Variants in ATAD1 observed in about 807,000 individuals in gnomAD.
ATAD1 encodes the protein ATPase family AAA domain containing 1.
Under a neutral mutation model 42.7 loss-of-function variants are expected in ATAD1, and 18 were observed. The observed-to-expected ratio is 0.42, with a 90% CI of 0.29 to 0.63. ATAD1 has a LOEUF of 0.63. ATAD1 is among the 20% of genes least tolerant of loss of function. The pLI is 0.19. For missense variants in ATAD1, 294 were observed against 440.4 expected, an observed-to-expected ratio of 0.67 and a Z score of 2.98; for synonymous variants, 132 against 143.1, an observed-to-expected ratio of 0.92 and a Z score of 0.55.
chr10:87,794,066 A>G (rs1856260717), intron 2 of ATAD1, among the ~76,000 whole-genome samples: 1 of 152,152 alleles, frequency 6.6e-6, no homozygotes, highest in South Asian at 2.1e-4. Context: ...ACAAAAAATC[A>G]AAACTTAGCT....
At chr10:87,807,694 T>C (rs1218034318) in intron 2 of ATAD1, among the ~76,000 whole-genome samples, 2 of 152,154 alleles carry the variant, frequency 1.3e-5, no homozygotes, top group African/African-American at 2.4e-5. Flanking sequence ...TTTTAAGTTA[T>C]AAAAATAATA....
At chr10:87,815,556 A>G (rs1857378482) in intron 1 of ATAD1, among the ~76,000 whole-genome samples, 1 of 152,112 alleles carries the variant, frequency 6.6e-6, no homozygotes, top group South Asian at 2.1e-4. Context: ...CATGAAAAAA[A>G]ACAGAATTTG....
chr10:87,789,042 G>A (rs1456052083), intron 4 of ATAD1, among the ~76,000 whole-genome samples: 1 of 152,040 alleles, frequency 6.6e-6, no homozygotes, highest in Non-Finnish European at 1.5e-5. Flanking sequence ...CCACTTACCA[G>A]AAACAAAAAT....
At chr10:87,815,134 C>G (rs552526913) in intron 1 of ATAD1, among the ~76,000 whole-genome samples, 2 of 152,146 alleles carry the variant, frequency 1.3e-5, no homozygotes, top group African/African-American at 2.4e-5. Flanking sequence ...TTTAAACATG[C>G]CATTTCCTCA....
In ATAD1 at chr10:87,818,168, C is replaced by A. The variant is rs184912330; in HGVS notation, c.-15G>T. ...GCCCCACGGGAACCAGCTACTCACC[C>A]AGGGGCAGAAACAGCAAGAGCAAGT... is the stretch of plus-strand genomic sequence containing the variant. On this transcript the variant is annotated splice_region_variant and 5_prime_UTR_variant, in exon 1 of 10. Coordinates refer to ENST00000680024, the MANE Select transcript of ATAD1 (RefSeq NM_001321967.2). The A allele has an allele frequency of 3.0e-6, 3 of 985,686 alleles. No homozygotes were observed. Among genetic ancestry groups the A allele is most frequent in the African/African-American group, 3.5e-5 (2 of 57,376 alleles). 61.1% of individuals were successfully genotyped at this position (985,686 alleles called of 1,614,324 possible). A position where few individuals can be genotyped will look rare whatever the true frequency, so the allele number is the denominator to read the frequency against.
chr10:87,827,053 G>A (rs115178180), intron 1 of ATAD1, among the ~76,000 whole-genome samples: 2,158 of 152,234 alleles, frequency 0.014, 65 homozygotes, highest in African/African-American at 0.048. Context: ...AATTTATCAA[G>A]CATAGAGTGC....
At chr10:87,757,032 G>T in intron 8 of ATAD1, 110 bp from the exon 9 acceptor site, 1 of 844,996 alleles carries the variant, frequency 1.2e-6, no homozygotes, top group South Asian at 3.9e-5. Context: ...TGCATGGGAG[G>T]AGAAACAATA....
intron 5 of ATAD1, among the ~76,000 whole-genome samples, chr10:87,781,156 C>G (rs1231296744): frequency 6.6e-6 from 1 of 151,952 alleles, no homozygotes; most frequent in East Asian, 1.9e-4. Context: ...TCTAATGTTA[C>G]AAATGACACA....
intron 4 of ATAD1, among the ~76,000 whole-genome samples, chr10:87,789,189 AT>A (rs2131913239): frequency 6.6e-6 from 1 of 152,320 alleles, no homozygotes; most frequent in South Asian, 2.1e-4. Context: ...CTATTTTGAT[AT>A]TTTTAAAGAT....
In ATAD1 at chr10:87,776,416, G is replaced by A. The variant is rs771096246; in HGVS notation, c.595C>T (p.Arg199Ter). 1.9e-6 allele frequency: 3 copies of A among 1,612,400 alleles called. No individual in the cohort carries two copies. Among genetic ancestry groups the A allele is most frequent in the South Asian group, 1.1e-5 (1 of 91,022 alleles). The change falls in exon 6 of 10, where the codon CGA becomes TGA. Residue 199 changes from arginine to a stop codon, truncating the protein, a stop_gained. Transcript: ENST00000680024. LOFTEE classifies it high-confidence loss of function. Reference protein sequence around the residue: ...IFIDEIDSFLRNRSSSDHEAT... With the variant: ...IFIDEIDSFL Reference sequence around the variant, plus strand: ...TCATGGTCAGAACTTGAACGGTTTCGTAGAAAGGAGTCTAGAAGTAAAAGG... The same window carrying A: ...TCATGGTCAGAACTTGAACGGTTTCATAGAAAGGAGTCTAGAAGTAAAAGG...
In ATAD1 at chr10:87,753,532, A is replaced by G. The variant is rs1189287267; in HGVS notation, c.*1155T>C. On this transcript the variant is annotated 3_prime_UTR_variant, in exon 10 of 10. Coordinates refer to ENST00000680024, the MANE Select transcript of ATAD1 (RefSeq NM_001321967.2). ...GAATTCTGGTTAGTAAAATTTTGAA[A>G]AAAATTCACATATAATTCACATTAA... 2 of 152,410 alleles carry G rather than the reference A, an allele frequency of 1.3e-5. No individual in the cohort carries two copies. The highest frequency in any genetic ancestry group is 4.8e-5 in the African/African-American group (2 of 41,440). 9.4% of individuals were successfully genotyped at this position (152,410 alleles called of 1,614,324 possible).
chr10:87,792,489 TC>T (rs1353410912), intron 3 of ATAD1, among the ~76,000 whole-genome samples, 167 bp downstream of exon 3: 2 of 152,200 alleles, frequency 1.3e-5, no homozygotes, highest in African/African-American at 4.8e-5. Context: ...TTGCTTTGTA[TC>T]TTTTCAGTGT....
intron 2 of ATAD1, among the ~76,000 whole-genome samples, chr10:87,802,707 G>C (rs1421938751): frequency 6.6e-6 from 1 of 151,590 alleles, no homozygotes; most frequent in African/African-American, 2.4e-5. Flanking sequence ...AAACAATCTG[G>C]CCAATTAGAA....
chr10:87,782,538 C>A (rs1055117596), intron 5 of ATAD1, among the ~76,000 whole-genome samples: 3 of 152,096 alleles, frequency 2.0e-5, no homozygotes, highest in Admixed American at 6.6e-5. Context: ...CCTAAGAGTT[C>A]TAAGTTCTCT....
In ATAD1 at chr10:87,752,061, A is replaced by C. The variant is rs946100922; in HGVS notation, c.*2626T>G. Reference sequence around the variant, plus strand: ...TAAGCTATTATGATGCATACAGAATAGAGTACCCCAACCCAGCTCTTAATG... The same window carrying C: ...TAAGCTATTATGATGCATACAGAATCGAGTACCCCAACCCAGCTCTTAATG... On this transcript the variant is annotated 3_prime_UTR_variant, in exon 10 of 10. Coordinates refer to ENST00000680024, the MANE Select transcript of ATAD1 (RefSeq NM_001321967.2). 2.0e-5 allele frequency: 3 copies of C among 152,184 alleles called. No homozygotes were observed. Among genetic ancestry groups the C allele is most frequent in the African/African-American group, 7.2e-5 (3 of 41,456 alleles). 9.4% of individuals were successfully genotyped at this position (152,184 alleles called of 1,614,324 possible). A position where few individuals can be genotyped will look rare whatever the true frequency, so the allele number is the denominator to read the frequency against.
intron 1 of ATAD1, chr10:87,817,775 C>G: frequency 1.0e-6 from 1 of 985,466 alleles, no homozygotes; most frequent in Non-Finnish European, 1.2e-6. Context: ...GTGGTGGCCG[C>G]GCCTGTGCGA....
chr10:87,790,253 A>G, intron 4 of ATAD1, 57 bp downstream of exon 4: 1 of 1,579,570 alleles, frequency 6.3e-7, no homozygotes, highest in Non-Finnish European at 8.5e-7. Context: ...AATGGCAGAA[A>G]GTTTCAATGT....
rs773155382 is a variant in ATAD1 at position 87,790,318 on chromosome 10, G to A, written c.374C>T (p.Pro125Leu). The A allele has an allele frequency of 1.2e-6, 2 of 1,611,160 alleles. No individual in the cohort carries two copies. The highest frequency in any genetic ancestry group is 3.4e-5 in the Admixed American group (2 of 59,216). Residue 125 changes from proline to leucine, a missense_variant, in exon 4 of 10, where the codon CCT (proline) becomes CTT (leucine). Pro to Leu is a moderately conservative substitution (Grantham distance 98). Transcript: ENST00000680024. ...HLFENSRLLQ[P>L]PKGVLLYGPP... ...ATATACCTTTACCATACCTTTTGGA[G>A]GCTGCAGAAGCCTGGAATTCTCAAA...
intron 3 of ATAD1, among the ~76,000 whole-genome samples, chr10:87,791,070 T>C (rs970549256): frequency 2.1e-5 from 3 of 141,984 alleles, no homozygotes; most frequent in African/African-American, 5.3e-5. Flanking sequence ...CCAGGTGTAG[T>C]GGTGTGTGCC....
Sources: allele counts gnomAD v4.1 joint callset (sites outside exome capture counted in the v4.1 genomes callset), GRCh38; gene constraint gnomAD v4.1.1; transcripts MANE v1.5; gene names NCBI Gene and HGNC (gene_info 2026-07-23, HGNC 2026-07-21).